The following DGKH variants were observed in gnomAD, a reference collection of about 807,000 sequenced individuals.
DGKH encodes DAG kinase eta.
In DGKH, 90 loss-of-function variants were observed where a neutral mutation model predicts 159.3. The observed-to-expected ratio is 0.57, with a 90% CI of 0.48 to 0.67. The LOEUF is 0.67. Ranked by LOEUF, DGKH falls within the 30% of genes least tolerant of loss-of-function variation. The pLI, the probability that DGKH is intolerant of heterozygous loss-of-function variation, is 0.00. For missense variants in DGKH, 1,181 were observed against 1,506.1 expected (o/e 0.78, Z 3.57); for synonymous variants, 536 against 553.8 (o/e 0.97, Z 0.45).
At chr13:42,127,918 G>T (rs1377196522) in intron 2 of DGKH, among the ~76,000 whole-genome samples, 1 of 151,976 alleles carries the variant, frequency 6.6e-6, no homozygotes, top group Non-Finnish European at 1.5e-5. Flanking sequence ...ATCTTTCCCT[G>T]ACCATGAGAG....
chr13:42,221,138 AC>A (rs1957960093), intron 28 of DGKH, 125 bp from the exon 29 acceptor site: 3 of 1,240,236 alleles, frequency 2.4e-6, no homozygotes. Flanking sequence ...TTGAAACAAC[AC>A]CTTTAACCTT....
Position 42,241,997 on chromosome 13 carries a change from T to G in DGKH, c.*12809T>G, listed in dbSNP as rs1283861400. ...TTTGATAGGCATATTTTGAAGTCAT[T>G]GTTTTCCATCAGTATTAAGTATCAT... On this transcript the variant is annotated 3_prime_UTR_variant, in exon 30 of 30. Coordinates refer to ENST00000337343, the MANE Select transcript of DGKH (RefSeq NM_178009.5). 2 of 152,236 alleles carry G rather than the reference T, an allele frequency of 1.3e-5. No individual in the cohort carries two copies. The highest frequency in any genetic ancestry group is 4.8e-5 in the African/African-American group (2 of 41,462). 9.4% of individuals were successfully genotyped at this position (152,236 alleles called of 1,614,324 possible).
intron 1 of DGKH, chr13:42,069,422 C>T (rs1882807682): frequency 2.6e-6 from 4 of 1,547,550 alleles, no homozygotes; most frequent in East Asian, 2.3e-5. Context: ...CTAGTTGGGA[C>T]ACTGAGCTAT....
chr13:42,049,524 C>A (rs552248160), intron 1 of DGKH, among the ~76,000 whole-genome samples: 1 of 152,242 alleles, frequency 6.6e-6, no homozygotes, highest in Non-Finnish European at 1.5e-5. Context: ...TCAGCCTTTC[C>A]TGCCCCTCTG....
rs1184370478 is a variant in DGKH at position 42,232,862 on chromosome 13, C to T, written c.*3674C>T. On this transcript the variant is annotated 3_prime_UTR_variant, in exon 30 of 30. Coordinates refer to ENST00000337343, the MANE Select transcript of DGKH (RefSeq NM_178009.5). ...AATTTAATTAAGCCAGGCATAATGG[C>T]ACAAGCCTGTAATTCCGGTGACTCA... The T allele has an allele frequency of 6.6e-6, 1 of 152,216 alleles. No individual in the cohort carries two copies. The highest frequency in any genetic ancestry group is 1.5e-5 in the Non-Finnish European group (1 of 68,076). The allele number at this position is 152,216 out of a possible 1,614,324, so 9.4% of individuals were successfully genotyped here.
At chr13:42,140,657 T>C (rs543727449) in intron 3 of DGKH, 2 of 152,356 alleles carry the variant, frequency 1.3e-5, no homozygotes, top group East Asian at 3.9e-4. Context: ...CTGACTGATA[T>C]ACTGATGTAC....
In DGKH at chr13:42,230,401, T is replaced by C. The variant is rs997656040; in HGVS notation, c.*1213T>C. 6.6e-6 allele frequency: 1 copy of C among 152,094 alleles called. No individual in the cohort carries two copies. The highest frequency in any genetic ancestry group is 2.4e-5 in the African/African-American group (1 of 41,430). 9.4% of individuals were successfully genotyped at this position (152,094 alleles called of 1,614,324 possible). A position where few individuals can be genotyped will look rare whatever the true frequency, so the allele number is the denominator to read the frequency against. On this transcript the variant is annotated 3_prime_UTR_variant, in exon 30 of 30. Coordinates refer to ENST00000337343, the MANE Select transcript of DGKH (RefSeq NM_178009.5). Reference sequence around the variant, plus strand: ...CTTATCAGGTGGATATTATTTTCCTTTTTCTAAACCACTGTACTTCAGTGT... The same window carrying C: ...CTTATCAGGTGGATATTATTTTCCTCTTTCTAAACCACTGTACTTCAGTGT...
intron 1 of DGKH, among the ~76,000 whole-genome samples, chr13:42,086,690 G>C (rs930643727): frequency 6.6e-6 from 1 of 152,212 alleles, no homozygotes; most frequent in African/African-American, 2.4e-5. Flanking sequence ...ACAATGGTCT[G>C]TTTTCAGACC....
In DGKH at chr13:42,165,321, T is replaced by C; in HGVS notation, c.856-10T>C. 2 of 1,458,960 alleles carry C rather than the reference T, an allele frequency of 1.4e-6. No homozygotes were observed. Among genetic ancestry groups the C allele is most frequent in the South Asian group, 1.3e-5 (1 of 75,030 alleles). The allele number at this position is 1,458,960 out of a possible 1,614,324, so 90.4% of individuals were successfully genotyped here. A position where few individuals can be genotyped will look rare whatever the true frequency, so the allele number is the denominator to read the frequency against. ...TTATGATTCTTGAAGGTATATTTGT[T>C]TGTCATTAGGTACACACTGCCTGCA... On this transcript the variant is annotated splice_polypyrimidine_tract_variant and intron_variant, in intron 7 of 29. Transcript: ENST00000337343.
intron 13 of DGKH, among the ~76,000 whole-genome samples, chr13:42,180,506 A>G (rs148589209): frequency 6.6e-6 from 1 of 152,382 alleles, no homozygotes; most frequent in African/African-American, 2.4e-5. Flanking sequence ...TATAGAGCTT[A>G]TAAATGACAG....
chr13:42,046,096 G>A (rs1261918457), upstream of DGKH, among the ~76,000 whole-genome samples: 1 of 152,184 alleles, frequency 6.6e-6, no homozygotes, highest in South Asian at 2.1e-4. Flanking sequence ...GTCTTTAATA[G>A]TGTGTTTGTC....
intron 1 of DGKH, among the ~76,000 whole-genome samples, chr13:42,059,916 T>A (rs1267291694): frequency 6.6e-6 from 1 of 151,028 alleles, no homozygotes; most frequent in Non-Finnish European, 1.5e-5. Context: ...TTTTTTTTTT[T>A]TTTTATATAT....
At position 42,240,740 on chromosome 13, in the gene DGKH, G is replaced by GATTA. The variant is rs1412375222; in HGVS notation, c.*11553_*11556dup. 3.3e-5 allele frequency: 5 copies of GATTA among 152,132 alleles called. No individual in the cohort carries two copies. Among genetic ancestry groups the GATTA allele is most frequent in the Admixed American group, 2.0e-4 (3 of 15,276 alleles). 9.4% of individuals were successfully genotyped at this position (152,132 alleles called of 1,614,324 possible). On this transcript the variant is annotated 3_prime_UTR_variant, in exon 30 of 30. Coordinates refer to ENST00000337343, the MANE Select transcript of DGKH (RefSeq NM_178009.5). ...TACCTCTGGGCCTGTTTTTCTTTGGGATTAGATAAAGCCTTTCTACCATAT... is the reference window on the plus strand; with the variant it reads ...TACCTCTGGGCCTGTTTTTCTTTGGGATTAATTAGATAAAGCCTTTCTACCATAT...
chr13:42,061,988 G>GTGTGTGTGTGTGTGT (rs1555256128), intron 1 of DGKH, among the ~76,000 whole-genome samples: 13 of 149,786 alleles, frequency 8.7e-5, no homozygotes, highest in South Asian at 2.1e-4. Context: ...TGTGTGTGTG[G>GTGTGTGTGTGTGTGT]GTGTGTGTGT....
At chr13:42,128,210 G>GT (rs1356925098) in intron 2 of DGKH, among the ~76,000 whole-genome samples, 1 of 152,066 alleles carries the variant, frequency 6.6e-6, no homozygotes, top group Non-Finnish European at 1.5e-5. Context: ...TAATAATATA[G>GT]TTTTGGGAGA....
chr13:42,141,144 C>T (rs1955547670), intron 3 of DGKH, among the ~76,000 whole-genome samples: 1 of 149,076 alleles, frequency 6.7e-6, no homozygotes, highest in South Asian at 2.2e-4. Context: ...TGAGTGAGAA[C>T]ATGCAGTGTT....
chr13:42,118,328 A>C (rs1955001963), intron 1 of DGKH, among the ~76,000 whole-genome samples: 1 of 152,222 alleles, frequency 6.6e-6, no homozygotes, highest in South Asian at 2.1e-4. Context: ...TTGTTTTAAA[A>C]TACACAGTTA....
Position 42,155,311 on chromosome 13 carries a change from G to C in DGKH, c.405G>C (p.Arg135Ser), listed in dbSNP as rs1441473847. ...TTCAGATCATCACTCCATTCAGAAGGCTAATGCTGTGTGCTGAGAACAGAA... is the reference window on the plus strand; with the variant it reads ...TTCAGATCATCACTCCATTCAGAAGCCTAATGCTGTGTGCTGAGAACAGAA... ...NSFTIITPFRRLMLCAENRKE... is the reference protein window; with the variant it reads ...NSFTIITPFRSLMLCAENRKE... The change falls in exon 4 of 30, where the codon AGG (arginine) becomes AGC (serine). Residue 135 changes from arginine (R) to serine (S), a missense_variant. By Grantham distance (110) the Arg-to-Ser change is moderately radical. Around this residue, in one of 5 missense-constraint regions of DGKH, gnomAD observed 369 missense variants for 519.4 expected, o/e 0.71. Coordinates refer to ENST00000337343, the MANE Select transcript of DGKH (RefSeq NM_178009.5). 4 of 1,610,000 alleles carry C rather than the reference G, an allele frequency of 2.5e-6. No homozygotes were observed. The highest frequency in any genetic ancestry group is 2.2e-5 in the South Asian group (2 of 89,926).
intron 3 of DGKH, among the ~76,000 whole-genome samples, chr13:42,135,507 AAG>A (rs1555264252): frequency 1.1e-4 from 12 of 113,442 alleles, no homozygotes; most frequent in Non-Finnish European, 1.4e-4. Context: ...AAAAAAAAAA[AAG>A]AGAGAGAGAG....
Sources: allele counts gnomAD v4.1 joint callset (sites outside exome capture counted in the v4.1 genomes callset), GRCh38; gene constraint gnomAD v4.1.1; regional missense constraint gnomAD v4.1.1; transcripts MANE v1.5; gene names NCBI Gene and HGNC (gene_info 2026-07-23, HGNC 2026-07-21).